KIAA0513: variants seen among roughly 807,000 people sequenced by gnomAD.
The protein encoded by KIAA0513 is uncharacterized protein KIAA0513.
In KIAA0513, 39 loss-of-function variants were observed where a neutral mutation model predicts 56.5. That is an observed-to-expected ratio of 0.69 (90% CI 0.53 to 0.90). The LOEUF is 0.90. KIAA0513 is among the 40% of genes least tolerant of loss of function. The probability of loss-of-function intolerance (pLI) is 0.00; values close to 1 mark genes in which losing one functional copy is unlikely to be tolerated. For missense variants in KIAA0513, 591 were observed against 535.2 expected, an observed-to-expected ratio of 1.10 and a Z score of -1.03; for synonymous variants, 268 against 215.6, an observed-to-expected ratio of 1.24 and a Z score of -2.13.
Position 85,072,935 on chromosome 16 carries a change from C to G in KIAA0513, c.440C>G (p.Ser147Cys). 1 of 1,614,184 alleles carries G rather than the reference C, an allele frequency of 6.2e-7. No homozygotes were observed. The highest frequency in any genetic ancestry group is 8.5e-7 in the Non-Finnish European group (1 of 1,180,010). Residue 147 changes from serine (S) to cysteine (C), a missense_variant, in exon 4 of 13, where the codon TCC (serine) becomes TGC (cysteine). Transcript: ENST00000683363. ...ARYVSAQRCNSKCVSEATFYR... is the reference protein window; with the variant it reads ...ARYVSAQRCNCKCVSEATFYR... ...CCTCTTTCTGGACAGCGCTGCAACT[C>G]CAAGTGTGTCTCAGAGGCAACCTTC...
intron 1 of KIAA0513, among the ~76,000 whole-genome samples, chr16:85,060,241 G>A (rs1051893072): frequency 2.0e-5 from 3 of 152,218 alleles, no homozygotes; most frequent in South Asian, 2.1e-4. Flanking sequence ...GATTACAGGC[G>A]TGAGCCACTG....
intron 4 of KIAA0513, among the ~76,000 whole-genome samples, chr16:85,074,328 G>GTATATA (rs200895116): frequency 7.2e-6 from 1 of 139,578 alleles, no homozygotes; most frequent in Admixed American, 7.4e-5. Flanking sequence ...ACACACACAC[G>GTATATA]TATATATACA....
chr16:85,084,492 C>T (rs1234550032), intron 10 of KIAA0513, among the ~76,000 whole-genome samples: 7 of 145,212 alleles, frequency 4.8e-5, no homozygotes, highest in South Asian at 2.2e-4. Context: ...TGCAATGGTG[C>T]GATCTCGGCT....
At chr16:85,086,537 G>T (rs1011445325) in intron 10 of KIAA0513, 107 bp from the exon 11 acceptor site, 4 of 1,041,160 alleles carry the variant, frequency 3.8e-6, no homozygotes, top group Admixed American at 4.0e-5. Context: ...TGCCCGGTGG[G>T]GGCCGTACAT....
chr16:85,062,555 G>A (rs1461904672), intron 1 of KIAA0513, among the ~76,000 whole-genome samples: 2 of 152,258 alleles, frequency 1.3e-5, no homozygotes, highest in African/African-American at 4.8e-5. Context: ...GGGACCTGCA[G>A]TGGGCCTCAG....
chr16:85,088,172 C>A, intron 12 of KIAA0513, 104 bp from the exon 13 acceptor site: 1 of 1,032,948 alleles, frequency 9.7e-7, no homozygotes, highest in Non-Finnish European at 1.5e-6. Flanking sequence ...TGCAGCCCTG[C>A]TCCCAGGGAG....
At chr16:85,065,234 T>G (rs1313392669) in intron 1 of KIAA0513, among the ~76,000 whole-genome samples, 9 of 152,182 alleles carry the variant, frequency 5.9e-5, no homozygotes, top group Non-Finnish European at 1.3e-4. Flanking sequence ...GGGTTTCTGA[T>G]CCAATCTTGA....
At chr16:85,045,819 C>T (rs147386144) in intron 1 of KIAA0513, among the ~76,000 whole-genome samples, 2 of 152,220 alleles carry the variant, frequency 1.3e-5, no homozygotes, top group Non-Finnish European at 2.9e-5. Context: ...CCACCTGCAT[C>T]AGCGGGCACC....
intron 1 of KIAA0513, among the ~76,000 whole-genome samples, chr16:85,062,208 G>A (rs937353684): frequency 4.5e-5 from 6 of 133,252 alleles, no homozygotes; most frequent in South Asian, 2.4e-4. Context: ...TGGTACGTAC[G>A]TAAACACACA....
At chr16:85,071,931 T>G (rs2073582703) in intron 3 of KIAA0513, 49 bp downstream of exon 3, 3 of 1,240,774 alleles carry the variant, frequency 2.4e-6, no homozygotes, top group African/African-American at 1.5e-5. Context: ...CAAGGAAGAA[T>G]CTAGTGAAGC....
At chr16:85,051,671 A>G (rs1352506987) in intron 1 of KIAA0513, among the ~76,000 whole-genome samples, 1 of 152,098 alleles carries the variant, frequency 6.6e-6, no homozygotes, top group Non-Finnish European at 1.5e-5. Context: ...CTTGTCTCCC[A>G]TGTTACTTAC....
At chr16:85,058,827 T>G (rs764336950) in intron 1 of KIAA0513, among the ~76,000 whole-genome samples, 115 of 152,224 alleles carry the variant, frequency 7.6e-4, no homozygotes, top group Non-Finnish European at 1.3e-3. Flanking sequence ...AAATTCAGTA[T>G]CTGCAGAAAG....
In KIAA0513 at chr16:85,081,261, C is replaced by G; in HGVS notation, c.903-54C>G. 6.5e-7 allele frequency: 1 copy of G among 1,542,218 alleles called. No individual in the cohort carries two copies. Among genetic ancestry groups the G allele is most frequent in the Non-Finnish European group, 9.0e-7 (1 of 1,115,720 alleles). On this transcript the variant is annotated intron_variant, in intron 8 of 12. Transcript: ENST00000683363. This position sits in a 1 kb window ranked among gnomAD's most constrained non-coding sequence, Gnocchi z 4.4. ...TTTATCCCTCAAGGGGCCCACAACC[C>G]GTGTCCTCCCCGCCTCCCCTTGGAG...
Position 85,088,158 on chromosome 16 carries a change from G to T in KIAA0513, c.1187-118G>T, listed in dbSNP as rs182766695. On this transcript the variant is annotated intron_variant, in intron 12 of 12. Coordinates refer to ENST00000683363, the MANE Select transcript of KIAA0513 (RefSeq NM_001388359.1). Reference sequence around the variant, plus strand: ...GCCTGCAGAAGGCAGTGTGGTTCAGGAGCTGCAGCCCTGCTCCCAGGGAGG... The same window carrying T: ...GCCTGCAGAAGGCAGTGTGGTTCAGTAGCTGCAGCCCTGCTCCCAGGGAGG... 1.4e-5 allele frequency: 12 copies of T among 875,730 alleles called. No individual in the cohort carries two copies. The East Asian group carries it at 2.9e-4, about 21-fold the overall frequency. 54.2% of individuals were successfully genotyped at this position (875,730 alleles called of 1,614,324 possible).
chr16:85,048,595 G>GGC (rs1369816807), intron 1 of KIAA0513, among the ~76,000 whole-genome samples: 1 of 152,014 alleles, frequency 6.6e-6, no homozygotes, highest in East Asian at 1.9e-4. Flanking sequence ...AAGACTTTCT[G>GGC]AAGCTGGATG....
At chr16:85,051,659 A>G (rs1282651121) in intron 1 of KIAA0513, among the ~76,000 whole-genome samples, 2 of 152,008 alleles carry the variant, frequency 1.3e-5, no homozygotes, top group Non-Finnish European at 2.9e-5. Context: ...AAAGACCACC[A>G]TCTTGTCTCC....
At chr16:85,038,380 A>T (rs2073062374) in intron 1 of KIAA0513, among the ~76,000 whole-genome samples, 1 of 152,228 alleles carries the variant, frequency 6.6e-6, no homozygotes, top group African/African-American at 2.4e-5. Context: ...TAGCAGCCAC[A>T]TTAAACAAGT....
chr16:85,042,426 A>C (rs1391579477), intron 1 of KIAA0513, among the ~76,000 whole-genome samples: 1 of 152,178 alleles, frequency 6.6e-6, no homozygotes, highest in African/African-American at 2.4e-5. Context: ...CCAGATGAGC[A>C]AATAGGGGGC....
Position 85,052,200 on chromosome 16 carries a change from G to C in KIAA0513, c.-172-14700G>C, listed in dbSNP as rs556454497. Among the ~76,000 whole-genome samples the C allele has an allele frequency of 2.8e-4, 43 of 152,160 alleles. 1 individual carries two copies. Among genetic ancestry groups the C allele is most frequent in the African/African-American group, 1.0e-3 (42 of 41,546 alleles). On this transcript the variant is annotated intron_variant, in intron 1 of 12. Transcript: ENST00000683363. ...CCGGGCATGGTGGCACACGCCTGTAGTCCCAGCTGCTCAGGAGGCTGAGGA... is the reference window on the plus strand; with the variant it reads ...CCGGGCATGGTGGCACACGCCTGTACTCCCAGCTGCTCAGGAGGCTGAGGA...
Sources: allele counts gnomAD v4.1 joint callset (sites outside exome capture counted in the v4.1 genomes callset), GRCh38; gene constraint gnomAD v4.1.1; non-coding constraint Gnocchi (gnomAD v3.1); transcripts MANE v1.5; gene names NCBI Gene and HGNC (gene_info 2026-07-23, HGNC 2026-07-21).